The following CENPP variants were observed in gnomAD, a reference collection of about 807,000 sequenced individuals.
CENPP encodes the protein centromere protein P.
A neutral mutation model predicts 35.6 loss-of-function variants in CENPP; 24 were observed. The observed-to-expected ratio is 0.67, with a 90% CI of 0.49 to 0.95. The LOEUF is 0.95. Ranked by LOEUF, CENPP falls within the 40% of genes least tolerant of loss-of-function variation. CENPP has a pLI of 0.00. For synonymous variants in CENPP, 120 were observed against 125.5 expected (o/e 0.96, Z 0.29); for missense variants, 332 against 345.3 (o/e 0.96, Z 0.31).
intron 5 of CENPP, among the ~76,000 whole-genome samples, chr9:92,544,543 GT>G (rs74490244): frequency 0.3 from 35,344 of 116,530 alleles, 4,881 homozygotes; most frequent in East Asian, 0.68. Flanking sequence ...TTGTTGAGGG[GT>G]TTTTTTTTTT....
chr9:92,325,637 G>C (rs1179690647), upstream of CENPP: 2 of 240,310 alleles, frequency 8.3e-6, no homozygotes, highest in Admixed American at 1.1e-4. Flanking sequence ...TCCCCTCCAC[G>C]TGATCCCAGC....
At chr9:92,428,047 A>C (rs779413684) in intron 5 of CENPP, among the ~76,000 whole-genome samples, 83 of 152,178 alleles carry the variant, frequency 5.5e-4, no homozygotes, top group Non-Finnish European at 7.5e-4. Context: ...AATGACACTT[A>C]GCTGATGAAC....
At chr9:92,567,403 T>G (rs573699903) in intron 5 of CENPP, among the ~76,000 whole-genome samples, 3,103 of 138,364 alleles carry the variant, frequency 0.022, 61 homozygotes, top group Middle Eastern at 0.056. Context: ...TATAGATATA[T>G]ATATAAAGTG....
intron 4 of CENPP, among the ~76,000 whole-genome samples, chr9:92,351,717 A>G (rs1305263137): frequency 1.3e-5 from 2 of 151,596 alleles, no homozygotes; most frequent in African/African-American, 2.4e-5. Context: ...TGTAACCTCT[A>G]CCTCACCAGG....
chr9:92,514,681 G>A (rs774142752), intron 5 of CENPP: 3 of 1,609,460 alleles, frequency 1.9e-6, no homozygotes, highest in Admixed American at 3.3e-5. Flanking sequence ...TGGTATCTGG[G>A]TAAGCATGGC....
chr9:92,611,319 G>A lies in CENPP; in HGVS notation c.570G>A (p.Lys190=), dbSNP rs780410496. The change falls in exon 6 of 8, where the codon AAG becomes AAA. Residue 190 remains lysine, a synonymous_variant. Coordinates refer to ENST00000375587, the MANE Select transcript of CENPP (RefSeq NM_001012267.3). ...CGTTTCTTCTCCCCATGCAGGAAAA[G>A]TACCCAGATGCCGTGTACCTCTCGG... The part of the protein sequence containing the change: ...RKRTFKHLKE[K]YPDAVYLSEG... 1.2e-6 allele frequency: 2 copies of A among 1,613,632 alleles called. No homozygotes were observed. Among genetic ancestry groups the A allele is most frequent in the Non-Finnish European group, 8.5e-7 (1 of 1,179,876 alleles).
In CENPP at chr9:92,520,245, C is replaced by T. The variant is rs146889063; in HGVS notation, c.565-91069C>T. Among the ~76,000 whole-genome samples the T allele has an allele frequency of 3.2e-4, 48 of 151,308 alleles. No individual in the cohort carries two copies. The East Asian group carries it at 7.6e-3, about 24-fold the overall frequency. ...CTGCAGTGAGCTATGATTGTACCAC[C>T]GTATTCCAGCCTGGACAGCAGAGCA... On this transcript the variant is annotated intron_variant, in intron 5 of 7. Coordinates refer to ENST00000375587, the MANE Select transcript of CENPP (RefSeq NM_001012267.3).
intron 5 of CENPP, among the ~76,000 whole-genome samples, chr9:92,386,864 G>T (rs545144664): frequency 1.3e-5 from 2 of 151,620 alleles, no homozygotes; most frequent in African/African-American, 4.8e-5. Flanking sequence ...TTACAGGTGT[G>T]AGCCACCATG....
chr9:92,398,141 A>G (rs943067748), intron 5 of CENPP, among the ~76,000 whole-genome samples: 2 of 152,196 alleles, frequency 1.3e-5, no homozygotes, highest in African/African-American at 2.4e-5. Context: ...CTGGAACTTC[A>G]TATTTGTTTA....
intron 5 of CENPP, among the ~76,000 whole-genome samples, chr9:92,606,128 G>A (rs1851073619): frequency 6.6e-6 from 1 of 152,126 alleles, no homozygotes; most frequent in Non-Finnish European, 1.5e-5. Flanking sequence ...CAGGTGTGGT[G>A]GCATGTGCCT....
intron 5 of CENPP, 111 bp from the exon 6 acceptor site, chr9:92,611,203 A>T: frequency 1.2e-6 from 1 of 837,038 alleles, no homozygotes; most frequent in South Asian, 1.5e-5. Flanking sequence ...TGCTGCGCAA[A>T]CACTCGGACC....
upstream of CENPP, chr9:92,325,909 G>GGGAGCGCGCGCGAGGCTT (rs1564255338): frequency 8.8e-7 from 1 of 1,130,048 alleles, no homozygotes; most frequent in East Asian, 2.6e-5. Context: ...GGTCCGCGCC[G>GGGAGCGCGCGCGAGGCTT]GGAGCGCGCG....
chr9:92,338,101 C>T (rs1303501656), intron 3 of CENPP, among the ~76,000 whole-genome samples: 1 of 152,102 alleles, frequency 6.6e-6, no homozygotes, highest in Non-Finnish European at 1.5e-5. Flanking sequence ...TGCTTGAGCC[C>T]AGGAGTTTGA....
At chr9:92,365,406 CTTTTT>C (rs33952600) in intron 4 of CENPP, among the ~76,000 whole-genome samples, 9 of 81,494 alleles carry the variant, frequency 1.1e-4, no homozygotes, top group African/African-American at 3.1e-4. Flanking sequence ...TATAACTACT[CTTTTT>C]TTTTTTTTTT....
chr9:92,587,679 G>A (rs1040008936), intron 5 of CENPP, among the ~76,000 whole-genome samples: 1 of 152,206 alleles, frequency 6.6e-6, no homozygotes. Flanking sequence ...TTGGTGGGTG[G>A]TGGTTGTTGG....
intron 5 of CENPP, among the ~76,000 whole-genome samples, chr9:92,437,983 T>C (rs1336994805): frequency 7.3e-5 from 11 of 151,370 alleles, no homozygotes; most frequent in Admixed American, 7.2e-4. Flanking sequence ...AATTTTTTTA[T>C]TGTTTGTAGA....
chr9:92,334,033 A>G (rs188700396), intron 2 of CENPP, among the ~76,000 whole-genome samples: 30 of 151,586 alleles, frequency 2.0e-4, no homozygotes, highest in Admixed American at 3.9e-4. Context: ...TAAATTCTCC[A>G]TTTTGATTCT....
intron 5 of CENPP, among the ~76,000 whole-genome samples, chr9:92,584,379 T>C (rs113374678): frequency 6.6e-6 from 1 of 152,284 alleles, no homozygotes; most frequent in African/African-American, 2.4e-5. Context: ...GACAGGGTCT[T>C]ACTCTATCAC....
chr9:92,574,195 C>T (rs1850223749), intron 5 of CENPP, among the ~76,000 whole-genome samples: 2 of 152,140 alleles, frequency 1.3e-5, no homozygotes, highest in Admixed American at 1.3e-4. Context: ...GGAGCTGTTC[C>T]TGTTCAGCCA....
Sources: gnomAD v4.1 joint callset for allele counts (sites outside exome capture counted in the v4.1 genomes callset) on GRCh38, gnomAD v4.1.1 for gene constraint, MANE v1.5 for transcripts, NCBI Gene and HGNC (gene_info 2026-07-23, HGNC 2026-07-21) for gene names.